Variants in CIP2A observed in about 807,000 individuals in gnomAD.
CIP2A encodes protein CIP2A.
Under a neutral mutation model 110.9 loss-of-function variants are expected in CIP2A, and 103 were observed. The ratio of observed to expected loss-of-function variants is 0.93; its 90% CI spans 0.79 to 1.09. The LOEUF (loss-of-function observed/expected upper bound fraction) is 1.09. Ranked by LOEUF, CIP2A falls within the 50% of genes least tolerant of loss-of-function variation. The probability of loss-of-function intolerance (pLI) is 0.00; values close to 1 mark genes in which losing one functional copy is unlikely to be tolerated. For synonymous variants in CIP2A, 381 were observed against 361.6 expected, an observed-to-expected ratio of 1.05 and a Z score of -0.61; for missense variants, 1,088 against 1,038.4, an observed-to-expected ratio of 1.05 and a Z score of -0.66.
intron 13 of CIP2A, among the ~76,000 whole-genome samples, chr3:108,562,898 G>A (rs1475985289): frequency 2.0e-5 from 3 of 152,124 alleles, no homozygotes; most frequent in African/African-American, 7.2e-5. Context: ...TAGAGGGATA[G>A]TACCTGAAGA....
At chr3:108,555,200 C>T (rs1333944312) in intron 17 of CIP2A, among the ~76,000 whole-genome samples, 1 of 152,170 alleles carries the variant, frequency 6.6e-6, no homozygotes, top group East Asian at 1.9e-4. Flanking sequence ...GGAACATAAG[C>T]AGGTCTTAGA....
At chr3:108,560,183 T>A (rs1331807900) in intron 14 of CIP2A, among the ~76,000 whole-genome samples, 155 bp from the exon 15 acceptor site, 1 of 151,876 alleles carries the variant, frequency 6.6e-6, no homozygotes, top group Non-Finnish European at 1.5e-5. Context: ...AATATTTCTT[T>A]TTTTTTTTTG....
At chr3:108,587,220 T>C (rs545762965) in intron 1 of CIP2A, among the ~76,000 whole-genome samples, 1 of 152,302 alleles carries the variant, frequency 6.6e-6, no homozygotes, top group Non-Finnish European at 1.5e-5. Flanking sequence ...CCACAAAAAA[T>C]GTATGTCTAC....
In CIP2A at chr3:108,574,272, A is replaced by G. The variant is rs140161600; in HGVS notation, c.894+1999T>C. Among the ~76,000 whole-genome samples the G allele has an allele frequency of 2.1e-3, 317 of 152,226 alleles. 1 individual carries two copies. The highest frequency in any genetic ancestry group is 7.4e-3 in the African/African-American group (307 of 41,580). ...TGTAAAATGATATTTTTATTAATTAATAAAATATTAATTTAAATTATAATG... is the reference window on the plus strand; with the variant it reads ...TGTAAAATGATATTTTTATTAATTAGTAAAATATTAATTTAAATTATAATG... On this transcript the variant is annotated intron_variant, in intron 8 of 20. Coordinates refer to ENST00000295746, the MANE Select transcript of CIP2A (RefSeq NM_020890.3).
At chr3:108,587,566 T>C (rs1939093108) in intron 1 of CIP2A, among the ~76,000 whole-genome samples, 1 of 152,130 alleles carries the variant, frequency 6.6e-6, no homozygotes, top group African/African-American at 2.4e-5. Context: ...CTATGGTACC[T>C]ATATATTAAA....
At position 108,559,690 on chromosome 3, in the gene CIP2A, C is replaced by CTAAT. The variant is rs1159477497; in HGVS notation, c.2013+63_2013+66dup. On this transcript the variant is annotated intron_variant, in intron 16 of 20. Coordinates refer to ENST00000295746, the MANE Select transcript of CIP2A (RefSeq NM_020890.3). The stretch of plus-strand genomic sequence containing the variant: ...TTCAATTAGAGTAACAAATACATAA[C>CTAAT]TAATATTTTGCATGTTTTACTTATT... The CTAAT allele has an allele frequency of 8.6e-6, 7 of 816,182 alleles. No individual in the cohort carries two copies. The African/African-American group carries it at 1.2e-4, about 14-fold the overall frequency. 50.6% of individuals were successfully genotyped at this position (816,182 alleles called of 1,614,324 possible).
chr3:108,556,791 T>G (rs1282088004), intron 17 of CIP2A, among the ~76,000 whole-genome samples: 1 of 152,144 alleles, frequency 6.6e-6, no homozygotes, highest in Non-Finnish European at 1.5e-5. Flanking sequence ...ATTGCCAATA[T>G]TCAACTACTT....
intron 1 of CIP2A, among the ~76,000 whole-genome samples, chr3:108,587,906 C>G (rs2107378975): frequency 6.6e-6 from 1 of 152,178 alleles, no homozygotes; most frequent in African/African-American, 2.4e-5. Flanking sequence ...CTCAGCCTCC[C>G]GAGTAGCTGG....
chr3:108,567,959 A>C (rs2107334571), intron 10 of CIP2A, among the ~76,000 whole-genome samples, 196 bp downstream of exon 10: 1 of 152,146 alleles, frequency 6.6e-6, no homozygotes, highest in Non-Finnish European at 1.5e-5. Flanking sequence ...ACACAGAAAA[A>C]TAAGGAAAAA....
rs1164358510 is a variant in CIP2A at position 108,560,832 on chromosome 3, TTCTC to T, written c.1640_1643del (p.Gly547GlufsTer3). ...TATAGGCATTGTTTGCTGCTATACT[TTCTC>T]CAAGTCTGAATGGGAGTCAAAGAAA... is the stretch of plus-strand genomic sequence containing the variant. On this transcript the variant is annotated frameshift_variant, in exon 14 of 21. Coordinates refer to ENST00000295746, the MANE Select transcript of CIP2A (RefSeq NM_020890.3). LOFTEE classifies it high-confidence loss of function. 1 of 1,580,448 alleles carries T rather than the reference TTCTC, an allele frequency of 6.3e-7. No homozygotes were observed. Among genetic ancestry groups the T allele is most frequent in the Non-Finnish European group, 8.6e-7 (1 of 1,165,302 alleles).
chr3:108,570,790 A>C (rs1267837848), intron 8 of CIP2A, among the ~76,000 whole-genome samples: 1 of 152,134 alleles, frequency 6.6e-6, no homozygotes, highest in Non-Finnish European at 1.5e-5. Context: ...TGTATGCTTA[A>C]GCTACACTAT....
At position 108,551,287 on chromosome 3, in the gene CIP2A, T is replaced by TA. The variant is rs1223611849; in HGVS notation, c.2579dup (p.Leu860PhefsTer56). The TA allele has an allele frequency of 1.2e-6, 2 of 1,611,876 alleles. No individual in the cohort carries two copies. Among genetic ancestry groups the TA allele is most frequent in the African/African-American group, 2.7e-5 (2 of 74,840 alleles). ...ACTCTTTCTCTTCCAAACGACCTTC[T>TA]AATTGTGCCTTTTGAACCTCTAGGG... On this transcript the variant is annotated frameshift_variant, in exon 21 of 21. Coordinates refer to ENST00000295746, the MANE Select transcript of CIP2A (RefSeq NM_020890.3). LOFTEE classifies it high-confidence loss of function.
rs2083877799 is a variant in CIP2A at position 108,550,068 on chromosome 3, C to T, written c.*1081G>A. On this transcript the variant is annotated 3_prime_UTR_variant, in exon 21 of 21. Coordinates refer to ENST00000295746, the MANE Select transcript of CIP2A (RefSeq NM_020890.3). ...CAAATCTAAATTCACTTAAATCAAACAGACATATGGTGAAGAAAACACCAA... is the reference window on the plus strand; with the variant it reads ...CAAATCTAAATTCACTTAAATCAAATAGACATATGGTGAAGAAAACACCAA... 6.6e-6 allele frequency: 1 copy of T among 151,736 alleles called. No individual in the cohort carries two copies. Among genetic ancestry groups the T allele is most frequent in the African/African-American group, 2.4e-5 (1 of 41,366 alleles). The allele number at this position is 151,736 out of a possible 1,614,324, so 9.4% of individuals were successfully genotyped here.
rs1346274770 is a variant in CIP2A, at chr3:108,568,270, C to T, written c.1158G>A (p.Val386=). ...AANCSSADRF[V]TLLLPTILDQ... ...CAAGGATTGTAGGCAGCAGAAGGGT[C>T]ACAAAACGATCAGCCGAGGAACAGT... Residue 386 remains valine, a synonymous_variant, in exon 10 of 21, where the codon GTG becomes GTA. Coordinates refer to ENST00000295746, the MANE Select transcript of CIP2A (RefSeq NM_020890.3). 2.5e-6 allele frequency: 4 copies of T among 1,612,232 alleles called. No individual in the cohort carries two copies. The highest frequency in any genetic ancestry group is 1.1e-5 in the South Asian group (1 of 91,006).
Position 108,557,384 on chromosome 3 carries a change from C to T in CIP2A, c.2044G>A (p.Val682Ile), listed in dbSNP as rs760740903. The part of the protein sequence containing the change: ...ARTLASMLRE[V>I]ERKNEELSVL... Reference sequence around the variant, plus strand: ...CTAAGCTCTTCATTTTTTCTCTCAACTTCTCTCAACATACTAGCAAGTGTC... The same window carrying T: ...CTAAGCTCTTCATTTTTTCTCTCAATTTCTCTCAACATACTAGCAAGTGTC... The change falls in exon 17 of 21, where the codon GTT (valine) becomes ATT (isoleucine). Residue 682 changes from valine to isoleucine, a missense_variant. By Grantham distance (29) the Val-to-Ile change is conservative. Coordinates refer to ENST00000295746, the MANE Select transcript of CIP2A (RefSeq NM_020890.3). 8 of 1,605,162 alleles carry T rather than the reference C, an allele frequency of 5.0e-6. No individual in the cohort carries two copies. The highest frequency in any genetic ancestry group is 6.8e-6 in the Non-Finnish European group (8 of 1,174,884).
At chr3:108,552,611 A>G (rs1254567294) in intron 19 of CIP2A, among the ~76,000 whole-genome samples, 3 of 152,190 alleles carry the variant, frequency 2.0e-5, no homozygotes, top group Non-Finnish European at 2.9e-5. Context: ...GGGTTAGAAA[A>G]GGGAGAGCTA....
chr3:108,557,480 C>A, intron 16 of CIP2A, 66 bp from the exon 17 acceptor site: 1 of 1,222,856 alleles, frequency 8.2e-7, no homozygotes, highest in Non-Finnish European at 1.1e-6. Flanking sequence ...CACATACCTA[C>A]AATTTAAAAG....
chr3:108,556,276 C>T (rs1472141767), intron 17 of CIP2A, among the ~76,000 whole-genome samples: 1 of 152,152 alleles, frequency 6.6e-6, no homozygotes. Context: ...GTATTAACAA[C>T]ATAGAACAAT....
chr3:108,559,735 T>A (rs778902812), intron 16 of CIP2A, 22 bp downstream of exon 16: 71 of 1,343,248 alleles, frequency 5.3e-5, no homozygotes, highest in Non-Finnish European at 7.1e-5. Flanking sequence ...ACAAATCAGA[T>A]GTGTCTTTAT....
Sources: allele counts gnomAD v4.1 joint callset (sites outside exome capture counted in the v4.1 genomes callset), GRCh38; gene constraint gnomAD v4.1.1; transcripts MANE v1.5; gene names NCBI Gene and HGNC (gene_info 2026-07-23, HGNC 2026-07-21).